KCNMA1: variants seen among roughly 807,000 people sequenced by gnomAD.
KCNMA1 encodes Calcium-activated potassium channel subunit alpha-1.
KCNMA1 carries 29 observed loss-of-function variants against 140.0 expected under a neutral mutation model. That is an observed-to-expected ratio of 0.21 (90% CI 0.15 to 0.28). The LOEUF (loss-of-function observed/expected upper bound fraction) is 0.28, where lower values mean the gene tolerates loss of function less well. Ranked by LOEUF, KCNMA1 falls within the 10% of genes least tolerant of loss-of-function variation. KCNMA1 has a pLI of 1.00. For missense variants in KCNMA1, 880 were observed against 1,602.2 expected (o/e 0.55, Z 7.70); for synonymous variants, 612 against 611.9 (o/e 1.00, Z 0.00).
intron 3 of KCNMA1, among the ~76,000 whole-genome samples, chr10:77,188,554 G>C (rs1206362990): frequency 6.6e-6 from 1 of 152,130 alleles, no homozygotes; most frequent in Non-Finnish European, 1.5e-5. Flanking sequence ...TCAGTAAAGA[G>C]TTGATTCTTA....
At chr10:77,550,772 T>C (rs1272082945) in intron 1 of KCNMA1, among the ~76,000 whole-genome samples, 1 of 152,186 alleles carries the variant, frequency 6.6e-6, no homozygotes, top group East Asian at 1.9e-4. Context: ...TGAAGGCAGA[T>C]GCTAGAAGCA....
At chr10:76,999,309 G>C (rs564166771) in intron 19 of KCNMA1, among the ~76,000 whole-genome samples, 8 of 152,260 alleles carry the variant, frequency 5.3e-5, no homozygotes, top group Non-Finnish European at 1.2e-4. Flanking sequence ...TTGTTGGCCA[G>C]TGCCAAGACA....
chr10:77,625,713 G>T (rs1401197405), intron 1 of KCNMA1, among the ~76,000 whole-genome samples: 2 of 152,186 alleles, frequency 1.3e-5, no homozygotes, highest in Admixed American at 6.5e-5. Flanking sequence ...ATACTCTGTT[G>T]TATGTACCTA....
intron 5 of KCNMA1, among the ~76,000 whole-genome samples, chr10:77,141,327 C>T (rs542309314): frequency 2.0e-5 from 3 of 152,170 alleles, no homozygotes; most frequent in South Asian, 4.2e-4. Flanking sequence ...CTGCCAAAGT[C>T]GTAGGTTGAA....
At chr10:76,938,036 C>G (rs1012873707) in intron 23 of KCNMA1, among the ~76,000 whole-genome samples, 1 of 151,972 alleles carries the variant, frequency 6.6e-6, no homozygotes, top group African/African-American at 2.4e-5. Context: ...CTGGGACATT[C>G]GGGACAGGCT....
chr10:77,473,172 A>G (rs1449088078), intron 1 of KCNMA1, among the ~76,000 whole-genome samples: 1 of 152,090 alleles, frequency 6.6e-6, no homozygotes, highest in East Asian at 1.9e-4. Context: ...TTCTTTTTAG[A>G]TGAAGTCTGT....
At chr10:77,257,125 A>G (rs956713865) in intron 2 of KCNMA1, among the ~76,000 whole-genome samples, 8 of 151,664 alleles carry the variant, frequency 5.3e-5, no homozygotes. Context: ...CACAAAAAAG[A>G]AAAAAATAGA....
chr10:77,608,612 G>A (rs946188032), intron 1 of KCNMA1, among the ~76,000 whole-genome samples: 4 of 152,134 alleles, frequency 2.6e-5, no homozygotes, highest in African/African-American at 9.7e-5. Flanking sequence ...TGTAAGAGGG[G>A]ATTATCTGTT....
At chr10:77,371,984 C>T (rs1186634744) in intron 2 of KCNMA1, among the ~76,000 whole-genome samples, 1 of 152,230 alleles carries the variant, frequency 6.6e-6, no homozygotes, top group Non-Finnish European at 1.5e-5. Flanking sequence ...CCTACCTTCA[C>T]ATAGTTGGTT....
chr10:77,007,653 G>GTATATATATATATATATA (rs60937323), intron 18 of KCNMA1, among the ~76,000 whole-genome samples: 1,328 of 88,222 alleles, frequency 0.015, 31 homozygotes, highest in East Asian at 0.034. Context: ...TTGTGTGTGT[G>GTATATATATATATATATA]TATATATATA....
intron 5 of KCNMA1, among the ~76,000 whole-genome samples, chr10:77,131,815 A>C (rs2153987728): frequency 6.6e-6 from 1 of 151,962 alleles, no homozygotes; most frequent in South Asian, 2.1e-4. Flanking sequence ...AAATTCAAAA[A>C]TTAGCTGGGC....
intron 1 of KCNMA1, among the ~76,000 whole-genome samples, chr10:77,575,600 C>T (rs2073780634): frequency 6.6e-6 from 1 of 152,208 alleles, no homozygotes; most frequent in South Asian, 2.1e-4. Flanking sequence ...GGTTAGTCTA[C>T]CCAACTGATA....
chr10:77,490,939 G>C (rs890693390), intron 1 of KCNMA1, among the ~76,000 whole-genome samples: 1 of 152,080 alleles, frequency 6.6e-6, no homozygotes, highest in African/African-American at 2.4e-5. Context: ...TGTAACTCCA[G>C]GGCCTACTGT....
intron 1 of KCNMA1, among the ~76,000 whole-genome samples, chr10:77,594,987 T>C (rs1260177454): frequency 6.6e-6 from 1 of 152,116 alleles, no homozygotes; most frequent in African/African-American, 2.4e-5. Flanking sequence ...ACTAGCAAAA[T>C]GTCCCAGTGG....
intron 1 of KCNMA1, among the ~76,000 whole-genome samples, chr10:77,463,477 G>T (rs1275922366): frequency 6.6e-6 from 1 of 150,484 alleles, no homozygotes; most frequent in South Asian, 2.1e-4. Context: ...ACTCACAAAA[G>T]CCTGAGGAAG....
chr10:77,179,263 TGA>T (rs2098781976), intron 5 of KCNMA1, among the ~76,000 whole-genome samples: 1 of 152,160 alleles, frequency 6.6e-6, no homozygotes, highest in African/African-American at 2.4e-5. Context: ...AGATGTGGAC[TGA>T]GTTGGTGGAG....
intron 15 of KCNMA1, among the ~76,000 whole-genome samples, chr10:77,038,818 A>G (rs1247754): frequency 0.88 from 134,164 of 152,216 alleles, 59,444 homozygotes; most frequent in Middle Eastern, 0.93. Flanking sequence ...TGGGATTGCA[A>G]ACATGAGGAT....
At chr10:76,991,140 C>T (rs1417696904) in intron 19 of KCNMA1, among the ~76,000 whole-genome samples, 1 of 152,204 alleles carries the variant, frequency 6.6e-6, no homozygotes, top group Non-Finnish European at 1.5e-5. Context: ...CTACAACAGA[C>T]TCCTTTCCTC....
At chr10:77,123,931 C>T (rs75235020) in intron 5 of KCNMA1, among the ~76,000 whole-genome samples, 1,543 of 152,222 alleles carry the variant, frequency 0.01, 27 homozygotes, top group African/African-American at 0.035. Context: ...GCAGATGGCA[C>T]GGATGTGCTG....
Sources: allele counts gnomAD v4.1 joint callset (sites outside exome capture counted in the v4.1 genomes callset), GRCh38; gene constraint gnomAD v4.1.1; transcripts MANE v1.5; gene names NCBI Gene and HGNC (gene_info 2026-07-23, HGNC 2026-07-21).